Variants in TBC1D23 observed in about 807,000 individuals in gnomAD.
TBC1D23 encodes TBC1 domain family member 23.
Under a neutral mutation model 91.4 loss-of-function variants are expected in TBC1D23, and 55 were observed. The ratio of observed to expected loss-of-function variants is 0.60; its 90% confidence interval spans 0.48 to 0.75. The LOEUF (loss-of-function observed/expected upper bound fraction) is 0.75. TBC1D23 is among the 30% of genes least tolerant of loss of function. The pLI, the probability that TBC1D23 is intolerant of heterozygous loss-of-function variation, is 0.00. For synonymous variants in TBC1D23, 289 were observed against 281.0 expected (o/e 1.03, Z -0.28); for missense variants, 725 against 836.1 (o/e 0.87, Z 1.64).
chr3:100,265,603 C>CT (rs1456848409), intron 1 of TBC1D23, among the ~76,000 whole-genome samples: 1 of 152,104 alleles, frequency 6.6e-6, no homozygotes, highest in Admixed American at 6.5e-5. Context: ...TTTTCCGATA[C>CT]TTTCTTCCCA....
At chr3:100,310,608 TA>T in intron 14 of TBC1D23, 66 bp downstream of exon 14, 1 of 1,244,708 alleles carries the variant, frequency 8.0e-7, no homozygotes, top group Non-Finnish European at 1.1e-6. Flanking sequence ...TGTCTTAGAG[TA>T]AGTAAATGTT....
intron 1 of TBC1D23, among the ~76,000 whole-genome samples, chr3:100,263,012 G>A (rs1047620104): frequency 6.6e-6 from 1 of 152,124 alleles, no homozygotes; most frequent in Non-Finnish European, 1.5e-5. Flanking sequence ...ACTTTCATGC[G>A]CGTCCGTGTG....
intron 5 of TBC1D23, among the ~76,000 whole-genome samples, chr3:100,294,154 C>T (rs1207366367): frequency 6.6e-6 from 1 of 152,096 alleles, no homozygotes; most frequent in African/African-American, 2.4e-5. Flanking sequence ...AAAAATATTA[C>T]TTCATGCAAC....
intron 1 of TBC1D23, among the ~76,000 whole-genome samples, chr3:100,268,396 CT>C: frequency 6.6e-6 from 1 of 151,986 alleles, no homozygotes; most frequent in Non-Finnish European, 1.5e-5. Flanking sequence ...TGGAATCCAG[CT>C]TAAAAAAAAA....
chr3:100,317,413 G>A (rs1338426488), intron 16 of TBC1D23, among the ~76,000 whole-genome samples: 1 of 152,084 alleles, frequency 6.6e-6, no homozygotes, highest in Non-Finnish European at 1.5e-5. Context: ...GACACTGGTG[G>A]TTTTCCAGGT....
chr3:100,316,013 TTG>T (rs1458971142), intron 15 of TBC1D23, 84 bp from the exon 16 acceptor site: 1 of 1,092,214 alleles, frequency 9.2e-7, no homozygotes, highest in East Asian at 2.4e-5. Flanking sequence ...TAATTACATT[TTG>T]TGTGAATATT....
chr3:100,276,070 G>A (rs2067645890), intron 1 of TBC1D23, among the ~76,000 whole-genome samples: 1 of 147,366 alleles, frequency 6.8e-6, no homozygotes. Flanking sequence ...TTCTTTAAGT[G>A]CAGAAAGATA....
chr3:100,296,825 A>G (rs1242667945), intron 8 of TBC1D23, among the ~76,000 whole-genome samples: 5 of 148,002 alleles, frequency 3.4e-5, no homozygotes, highest in Non-Finnish European at 5.9e-5. Context: ...GTGCCACTGC[A>G]CTCCAGCCTG....
chr3:100,263,208 C>G (rs1007711250), intron 1 of TBC1D23, among the ~76,000 whole-genome samples: 7 of 152,166 alleles, frequency 4.6e-5, no homozygotes, highest in African/African-American at 1.4e-4. Flanking sequence ...GTGGGTGTCC[C>G]AAGGTGCTCA....
At chr3:100,306,663 G>A in intron 13 of TBC1D23, 120 bp downstream of exon 13, 1 of 585,266 alleles carries the variant, frequency 1.7e-6, no homozygotes, top group South Asian at 2.1e-5. Flanking sequence ...ATGCAATGAA[G>A]AGTCATATTA....
chr3:100,289,651 G>C (rs1276625410), intron 4 of TBC1D23, among the ~76,000 whole-genome samples: 3 of 152,152 alleles, frequency 2.0e-5, no homozygotes, highest in Non-Finnish European at 4.4e-5. Flanking sequence ...CCGTGGCAGA[G>C]GAATCTTCTT....
chr3:100,325,104 C>G lies in TBC1D23; in HGVS notation c.*1436C>G, dbSNP rs187281025. ...TTGCATTTTTTCCCTTTTCTTGGCA[C>G]CCCTTTAGAAATGTACTGAAGTCTC... On this transcript the variant is annotated 3_prime_UTR_variant, in exon 19 of 19. Coordinates refer to ENST00000394144, the MANE Select transcript of TBC1D23 (RefSeq NM_001199198.3). 1 of 152,322 alleles carries G rather than the reference C, an allele frequency of 6.6e-6. No individual in the cohort carries two copies. Among genetic ancestry groups the G allele is most frequent in the Admixed American group, 6.5e-5 (1 of 15,294 alleles). The allele number at this position is 152,322 out of a possible 1,614,324, so 9.4% of individuals were successfully genotyped here. A position where few individuals can be genotyped will look rare whatever the true frequency, so the allele number is the denominator to read the frequency against.
chr3:100,321,017 T>C, intron 18 of TBC1D23, 46 bp downstream of exon 18: 1 of 1,376,464 alleles, frequency 7.3e-7, no homozygotes, highest in Non-Finnish European at 1.0e-6. Flanking sequence ...AGATATTATC[T>C]GAATTACTGT....
chr3:100,323,674 A>G lies in TBC1D23; in HGVS notation c.*6A>G. On this transcript the variant is annotated 3_prime_UTR_variant, in exon 19 of 19. Transcript: ENST00000394144. ...TGGATGCTTTGGAAAGTTAATATAA[A>G]AGAAAATTATATAAAAAGAAATTAA... The G allele has an allele frequency of 6.9e-7, 1 of 1,448,178 alleles. No individual in the cohort carries two copies. The highest frequency in any genetic ancestry group is 1.4e-5 in the South Asian group (1 of 70,696). 89.7% of individuals were successfully genotyped at this position (1,448,178 alleles called of 1,614,324 possible).
intron 12 of TBC1D23, among the ~76,000 whole-genome samples, chr3:100,305,837 TAGG>T (rs1370828108): frequency 6.6e-6 from 1 of 152,184 alleles, no homozygotes; most frequent in Non-Finnish European, 1.5e-5. Context: ...GTATTGGCCC[TAGG>T]CTCAGTGTTA....
intron 2 of TBC1D23, among the ~76,000 whole-genome samples, chr3:100,280,380 A>G (rs1407562201): frequency 1.3e-5 from 2 of 152,212 alleles, no homozygotes; most frequent in African/African-American, 4.8e-5. Context: ...GTTGGGTTAT[A>G]GGAGATTTTC....
chr3:100,264,290 C>T (rs964763855), intron 1 of TBC1D23, among the ~76,000 whole-genome samples: 5 of 151,972 alleles, frequency 3.3e-5, no homozygotes, highest in African/African-American at 9.7e-5. Context: ...CTGTCTTTCT[C>T]TCCCCTCCCC....
At chr3:100,292,982 G>A (rs4552390) in intron 5 of TBC1D23, among the ~76,000 whole-genome samples, 77,553 of 151,568 alleles carry the variant, frequency 0.51, 20,322 homozygotes, top group East Asian at 0.58. Flanking sequence ...ATTTTTCTTA[G>A]GCATTTTAAT....
chr3:100,275,405 A>T (rs1341099388), intron 1 of TBC1D23, among the ~76,000 whole-genome samples: 1 of 152,098 alleles, frequency 6.6e-6, no homozygotes, highest in Non-Finnish European at 1.5e-5. Flanking sequence ...CTCCTGCCTC[A>T]GCCTGTTGAG....
Sources: gnomAD v4.1 joint callset for allele counts (sites outside exome capture counted in the v4.1 genomes callset) on GRCh38, gnomAD v4.1.1 for gene constraint, MANE v1.5 for transcripts, NCBI Gene and HGNC (gene_info 2026-07-23, HGNC 2026-07-21) for gene names.